MICALL2: variants seen among roughly 807,000 people sequenced by gnomAD.
MICALL2 encodes the protein MICAL like 2.
In MICALL2, 111 loss-of-function variants were observed where a neutral mutation model predicts 91.1. The observed-to-expected ratio is 1.22, with a 90% CI of 1.04 to 1.43. MICALL2 has a LOEUF of 1.43. Ranked by LOEUF, MICALL2 falls within the 40% of genes most tolerant of loss-of-function variation. The pLI, the probability that MICALL2 is intolerant of heterozygous loss-of-function variation, is 0.00. For missense variants in MICALL2, 1,556 were observed against 1,236.0 expected, an observed-to-expected ratio of 1.26 and a Z score of -3.88; for synonymous variants, 694 against 525.3, an observed-to-expected ratio of 1.32 and a Z score of -4.39.
rs577354064 is a variant in MICALL2 at position 1,442,085 on chromosome 7, G to C, written c.1711+107C>G. The C allele has an allele frequency of 3.3e-4, 415 of 1,266,180 alleles. No homozygotes were observed. In the African/African-American group the frequency reaches 5.6e-3, roughly 17 times the overall value. 78.4% of individuals were successfully genotyped at this position (1,266,180 alleles called of 1,614,324 possible). ...AGGACAGAGATGAGACGGAGAGGAA[G>C]GCGGGCGGGGCTGATGATGAAACCG... is the stretch of plus-strand genomic sequence containing the variant. On this transcript the variant is annotated intron_variant, in intron 7 of 16. Transcript: ENST00000297508.
At chr7:1,448,855 G>A (rs544868158) in intron 2 of MICALL2, 94 bp from the exon 3 acceptor site, 19 of 1,479,186 alleles carry the variant, frequency 1.3e-5, no homozygotes, top group Non-Finnish European at 1.8e-5. Flanking sequence ...CACAGTCTTG[G>A]AGCCCAAAGA....
rs114247987 is a variant in MICALL2, at chr7:1,445,055, G to A, written c.1015C>T (p.Arg339Cys). 1,089 of 1,546,912 alleles carry A rather than the reference G, an allele frequency of 7.0e-4. 1 individual carries two copies. The African/African-American group carries it at 9.0e-3, about 13-fold the overall frequency. The change falls in exon 6 of 17, where the codon CGT becomes TGT. Residue 339 changes from arginine to cysteine, a missense_variant. Physicochemically the swap from Arg to Cys is radical, Grantham distance 180. Coordinates refer to ENST00000297508, the MANE Select transcript of MICALL2 (RefSeq NM_182924.4). Reference protein sequence around the residue: ...PTPTEGKVRPRVTNSSPMGWS... With the variant: ...PTPTEGKVRPCVTNSSPMGWS... ...CCCATCGGGGAGCTATTGGTCACAC[G>A]AGGGCGGACTTTCCCCTCCGTGGGA...
At chr7:1,447,089 C>T (rs768843047) in intron 4 of MICALL2, among the ~76,000 whole-genome samples, 1 of 152,116 alleles carries the variant, frequency 6.6e-6, no homozygotes, top group African/African-American at 2.4e-5. Context: ...GATTCCAGGC[C>T]TCCTCCTGCC....
Position 1,442,711 on chromosome 7 carries a change from G to C in MICALL2, c.1419-227C>G, listed in dbSNP as rs141615834. Among the ~76,000 whole-genome samples, 45 of 150,546 alleles carry C rather than the reference G, an allele frequency of 3.0e-4. 2 individuals carry two copies. In the East Asian group the frequency reaches 8.8e-3, roughly 30 times the overall value. On this transcript the variant is annotated intron_variant, in intron 6 of 16. Coordinates refer to ENST00000297508, the MANE Select transcript of MICALL2 (RefSeq NM_182924.4). ...CTGCCCCTCTGCCTCCCTGCAGCTC[G>C]CTCCCAATGACCACCCTGGCAAGGC... is the stretch of plus-strand genomic sequence containing the variant.
Position 1,445,069 on chromosome 7 carries a change from C to A in MICALL2, c.1001G>T (p.Gly334Val). The A allele has an allele frequency of 6.5e-7, 1 of 1,549,566 alleles. No individual in the cohort carries two copies. Among genetic ancestry groups the A allele is most frequent in the East Asian group, 2.4e-5 (1 of 40,976 alleles). ...ATTGGTCACACGAGGGCGGACTTTC[C>A]CCTCCGTGGGAGTGGGGGCCAGGCG... is the stretch of plus-strand genomic sequence containing the variant. ...ESRLAPTPTE[G>V]KVRPRVTNSS... is the part of the protein sequence containing the mutation. Residue 334 changes from glycine to valine, a missense_variant, in exon 6 of 17, where the codon GGG becomes GTG. Coordinates refer to ENST00000297508, the MANE Select transcript of MICALL2 (RefSeq NM_182924.4).
In MICALL2 at chr7:1,445,578, CCT is replaced by C. The variant is rs1780537251; in HGVS notation, c.642-152_642-151del. On this transcript the variant is annotated intron_variant, in intron 5 of 16. Coordinates refer to ENST00000297508, the MANE Select transcript of MICALL2 (RefSeq NM_182924.4). ...CCCCGCCACGCATTCACCACGTGCTCCTGAGAGCAGGCATTGCGGACTCCTGT... is the reference window on the plus strand; with the variant it reads ...CCCCGCCACGCATTCACCACGTGCTCGAGAGCAGGCATTGCGGACTCCTGT... 9 of 718,962 alleles carry C rather than the reference CCT, an allele frequency of 1.3e-5. No individual in the cohort carries two copies. In the South Asian group the frequency reaches 1.7e-4, roughly 14 times the overall value. 44.5% of individuals were successfully genotyped at this position (718,962 alleles called of 1,614,324 possible).
Position 1,459,217 on chromosome 7 carries a change from C to G in MICALL2, c.110G>C (p.Cys37Ser). ...TTSFRDGLAF[C>S]AILHRHRPDL... Reference sequence around the variant, plus strand: ...GGGCCGGTGGCGGTGCAGGATGGCGCAGAAAGCCAGGCCGTCGCGGAACGA... The same window carrying G: ...GGGCCGGTGGCGGTGCAGGATGGCGGAGAAAGCCAGGCCGTCGCGGAACGA... Residue 37 changes from cysteine (C) to serine (S), a missense_variant, in exon 1 of 17, where the codon TGC (cysteine) becomes TCC (serine). Coordinates refer to ENST00000297508, the MANE Select transcript of MICALL2 (RefSeq NM_182924.4). 2 of 1,610,846 alleles carry G rather than the reference C, an allele frequency of 1.2e-6. No individual in the cohort carries two copies. The highest frequency in any genetic ancestry group is 1.7e-6 in the Non-Finnish European group (2 of 1,178,940).
At chr7:1,442,758 C>T (rs1047182627) in intron 6 of MICALL2, among the ~76,000 whole-genome samples, 1 of 152,198 alleles carries the variant, frequency 6.6e-6, no homozygotes, top group Middle Eastern at 3.2e-3. Flanking sequence ...ACACCTGTTT[C>T]TGGCATGAGC....
intron 2 of MICALL2, 103 bp from the exon 3 acceptor site, chr7:1,448,864 G>A (rs1384520525): frequency 1.0e-5 from 15 of 1,437,964 alleles, no homozygotes; most frequent in African/African-American, 1.4e-5. Flanking sequence ...GGAGCCCAAA[G>A]AGGCGTGGGT....
rs1436421008 is a variant in MICALL2 at position 1,439,997 on chromosome 7, C to T, written c.1894G>A (p.Val632Ile). ...RKVSGSFAGS[V>I]HITLTPVRPD... ...CTCACGGGGGTCAGGGTGATGTGGA[C>T]ACTCCCAGCAAAGCTGCCTGAGACC... Residue 632 changes from valine (V) to isoleucine (I), a missense_variant, in exon 9 of 17, where the codon GTC becomes ATC. Transcript: ENST00000297508. 6.5e-7 allele frequency: 1 copy of T among 1,549,426 alleles called. No homozygotes were observed. Among genetic ancestry groups the T allele is most frequent in the East Asian group, 2.5e-5 (1 of 40,372 alleles).
Position 1,437,256 on chromosome 7 carries a change from A to G in MICALL2, c.2476+279T>C, listed in dbSNP as rs532216622. 21 of 506,642 alleles carry G rather than the reference A, an allele frequency of 4.1e-5. No individual in the cohort carries two copies. In the South Asian group the frequency reaches 5.4e-4, roughly 13 times the overall value. The allele number at this position is 506,642 out of a possible 1,614,324, so 31.4% of individuals were successfully genotyped here. ...CTGCTACACTAAATGCCTTGTGCGA[A>G]TTGATTCGTTTAATCCTCACAACAG... On this transcript the variant is annotated intron_variant, in intron 14 of 16. Transcript: ENST00000297508.
chr7:1,440,027 T>C lies in MICALL2; in HGVS notation c.1864A>G (p.Arg622Gly), dbSNP rs1562451670. The stretch of plus-strand genomic sequence containing the variant: ...CCAGCAAAGCTGCCTGAGACCTTCC[T>C]GGGGGCCTCCCCCGCCCTCGGCTCT... ...LAEPRAGEAPRKVSGSFAGSV... is the reference protein window; with the variant it reads ...LAEPRAGEAPGKVSGSFAGSV... The change falls in exon 9 of 17, where the codon AGG becomes GGG. Residue 622 changes from arginine to glycine, a missense_variant. By Grantham distance (125) the Arg-to-Gly change is moderately radical (BLOSUM62 -2). Coordinates refer to ENST00000297508, the MANE Select transcript of MICALL2 (RefSeq NM_182924.4). The C allele has an allele frequency of 1.3e-6, 2 of 1,577,298 alleles. No individual in the cohort carries two copies. Among genetic ancestry groups the C allele is most frequent in the Non-Finnish European group, 1.7e-6 (2 of 1,168,628 alleles).
intron 1 of MICALL2, among the ~76,000 whole-genome samples, chr7:1,453,634 C>T (rs527869191): frequency 3.3e-5 from 5 of 152,274 alleles, no homozygotes; most frequent in Admixed American, 3.3e-4. Context: ...CATGGTGAGA[C>T]GGCTGGAACT....
Position 1,436,724 on chromosome 7 carries a change from C to A in MICALL2, c.2591+18G>T. On this transcript the variant is annotated intron_variant, in intron 15 of 16. Transcript: ENST00000297508. ...GACCTGGCCTGGCTGGGAGGGGCCC[C>A]CGGCACCTGCCCCTCACCGGAGCCG... 6.3e-7 allele frequency: 1 copy of A among 1,587,862 alleles called. No individual in the cohort carries two copies. Among genetic ancestry groups the A allele is most frequent in the Non-Finnish European group, 8.6e-7 (1 of 1,167,948 alleles).
intron 6 of MICALL2, among the ~76,000 whole-genome samples, chr7:1,442,866 C>A (rs1346624806): frequency 6.6e-6 from 1 of 152,130 alleles, no homozygotes; most frequent in Non-Finnish European, 1.5e-5. Flanking sequence ...GCTGGAGGCA[C>A]CTGGGGCTTT....
Position 1,447,600 on chromosome 7 carries a change from C to T in MICALL2, c.500G>A (p.Gly167Asp). Residue 167 changes from glycine to aspartate, a missense_variant, in exon 4 of 17, where the codon GGT becomes GAT. Physicochemically the swap from Gly to Asp is moderately conservative, Grantham distance 94. Transcript: ENST00000297508. ...TNPVVQRRNE[G>D]AGGPPPKTDQ... is the part of the protein sequence containing the mutation. ...AGTCTTGGGGGGCGGGCCCCCTGCACCCTCATTCCTCCTCTGGACCACAGG... is the reference window on the plus strand; with the variant it reads ...AGTCTTGGGGGGCGGGCCCCCTGCATCCTCATTCCTCCTCTGGACCACAGG... 6.3e-7 allele frequency: 1 copy of T among 1,587,162 alleles called. No individual in the cohort carries two copies. The highest frequency in any genetic ancestry group is 1.2e-5 in the South Asian group (1 of 86,748).
Position 1,445,083 on chromosome 7 carries a change from G to A in MICALL2, c.987C>T (p.Pro329=). Residue 329 remains proline, a synonymous_variant, in exon 6 of 17, where the codon CCC becomes CCT. Coordinates refer to ENST00000297508, the MANE Select transcript of MICALL2 (RefSeq NM_182924.4). ...PARPSESRLA[P]TPTEGKVRPR... The stretch of plus-strand genomic sequence containing the variant: ...GGCGGACTTTCCCCTCCGTGGGAGT[G>A]GGGGCCAGGCGGCTCTCAGAGGGCC... 3 of 1,551,140 alleles carry A rather than the reference G, an allele frequency of 1.9e-6. No individual in the cohort carries two copies. Among genetic ancestry groups the A allele is most frequent in the South Asian group, 2.4e-5 (2 of 84,352 alleles).
rs1202195407 is a variant in MICALL2, at chr7:1,454,054, C to T, written c.144-3766G>A. ...TCAACTTCAGCCCATGGAGTCCAGC[C>T]GGCCTCTGCCCCGGCGCCTCTGGGG... On this transcript the variant is annotated intron_variant, in intron 1 of 16. Transcript: ENST00000297508. Among the ~76,000 whole-genome samples, 14 of 152,284 alleles carry T rather than the reference C, an allele frequency of 9.2e-5. No individual in the cohort carries two copies. In the South Asian group the frequency reaches 1.0e-3, roughly 11 times the overall value.
chr7:1,445,937 G>T (rs1173121123), intron 5 of MICALL2, among the ~76,000 whole-genome samples: 1 of 151,448 alleles, frequency 6.6e-6, no homozygotes, highest in African/African-American at 2.4e-5. Flanking sequence ...TGGCCACTGA[G>T]TACAACACCA....
Sources: gnomAD v4.1 joint callset for allele counts (sites outside exome capture counted in the v4.1 genomes callset) on GRCh38, gnomAD v4.1.1 for gene constraint, MANE v1.5 for transcripts, NCBI Gene and HGNC (gene_info 2026-07-23, HGNC 2026-07-21) for gene names.